GABPB1: variants seen among roughly 807,000 people sequenced by gnomAD.
The protein encoded by GABPB1 is GA-binding protein subunit beta-1.
Under a neutral mutation model 45.9 loss-of-function variants are expected in GABPB1, and 15 were observed. The observed-to-expected ratio is 0.33, with a 90% confidence interval of 0.22 to 0.50. The LOEUF is 0.50. Ranked by LOEUF, GABPB1 falls within the 20% of genes least tolerant of loss-of-function variation. GABPB1 has a pLI of 0.98. For synonymous variants in GABPB1, 143 were observed against 154.4 expected (o/e 0.93, Z 0.55); for missense variants, 252 against 457.5 (o/e 0.55, Z 4.10).
intron 1 of GABPB1, among the ~76,000 whole-genome samples, chr15:50,326,286 GGAA>G (rs2047760213): frequency 6.6e-6 from 1 of 152,128 alleles, no homozygotes; most frequent in African/African-American, 2.4e-5. Context: ...AGCCAAGGTG[GGAA>G]GATCGTTCAA....
chr15:50,303,722 T>C (rs2046841500), intron 3 of GABPB1, among the ~76,000 whole-genome samples: 1 of 150,532 alleles, frequency 6.6e-6, no homozygotes, highest in Admixed American at 6.6e-5. Context: ...TAGTCCCTCA[T>C]CATAAGATAG....
At chr15:50,288,605 C>T (rs1458320185) in intron 7 of GABPB1, among the ~76,000 whole-genome samples, 1 of 152,116 alleles carries the variant, frequency 6.6e-6, no homozygotes, top group Non-Finnish European at 1.5e-5. Flanking sequence ...TATGAGAGTC[C>T]TCTTGCCCTG....
At chr15:50,287,477 C>T (rs1187494836) in intron 7 of GABPB1, among the ~76,000 whole-genome samples, 1 of 152,026 alleles carries the variant, frequency 6.6e-6, no homozygotes, top group Non-Finnish European at 1.5e-5. Context: ...TGAGATAGGC[C>T]CTAATCCAGT....
chr15:50,303,610 A>G (rs1488069928), intron 3 of GABPB1, among the ~76,000 whole-genome samples: 1 of 149,098 alleles, frequency 6.7e-6, no homozygotes, highest in Non-Finnish European at 1.5e-5. Flanking sequence ...TGAACCCAGG[A>G]GGTGGAGGTT....
intron 6 of GABPB1, among the ~76,000 whole-genome samples, chr15:50,292,188 C>A (rs1478410774): frequency 6.6e-6 from 1 of 151,396 alleles, no homozygotes; most frequent in Non-Finnish European, 1.5e-5. Flanking sequence ...GTGGTGGGCG[C>A]CTCTAGTCCC....
intron 1 of GABPB1, among the ~76,000 whole-genome samples, chr15:50,315,092 A>AT (rs1035181038): frequency 2.0e-5 from 3 of 152,144 alleles, no homozygotes; most frequent in East Asian, 1.9e-4. Context: ...TCAAAACATG[A>AT]TTTTTTTGAA....
At chr15:50,298,891 G>A (rs972962540) in intron 6 of GABPB1, among the ~76,000 whole-genome samples, 2 of 149,822 alleles carry the variant, frequency 1.3e-5, no homozygotes, top group African/African-American at 5.0e-5. Flanking sequence ...GATGGAGGCT[G>A]CAGTGAGCCA....
intron 1 of GABPB1, among the ~76,000 whole-genome samples, chr15:50,331,628 G>A (rs1179348757): frequency 6.6e-6 from 1 of 152,176 alleles, no homozygotes; most frequent in Non-Finnish European, 1.5e-5. Flanking sequence ...GGAGAGTGTT[G>A]TGATGTGATT....
At chr15:50,292,194 G>A (rs1186878191) in intron 6 of GABPB1, among the ~76,000 whole-genome samples, 1 of 150,680 alleles carries the variant, frequency 6.6e-6, no homozygotes, top group Admixed American at 6.6e-5. Flanking sequence ...GGCGCCTCTA[G>A]TCCCAGCTAC....
intron 1 of GABPB1, among the ~76,000 whole-genome samples, chr15:50,316,087 A>G (rs572734097): frequency 5.3e-5 from 8 of 152,256 alleles, no homozygotes; most frequent in Admixed American, 1.3e-4. Context: ...CCTCAGACAT[A>G]AAGTGCTAGA....
chr15:50,351,921 T>C (rs2048848462), intron 1 of GABPB1: 2 of 152,180 alleles, frequency 1.3e-5, no homozygotes, highest in East Asian at 1.9e-4. Flanking sequence ...TATAGAAACA[T>C]TGTGATTACT....
At chr15:50,296,118 C>T (rs959896671) in intron 6 of GABPB1, among the ~76,000 whole-genome samples, 4 of 152,192 alleles carry the variant, frequency 2.6e-5, no homozygotes, top group African/African-American at 9.7e-5. Context: ...ATTGCCTTCT[C>T]TTTATATATA....
In GABPB1 at chr15:50,289,674, A is replaced by G. The variant is rs74642872; in HGVS notation, c.698-6T>C. ...TACTTCTTCTGTGGCCACTACTGGA[A>G]AAAAAAAAAAGAAAACTCAGCAAAC... On this transcript the variant is annotated splice_region_variant and splice_polypyrimidine_tract_variant and intron_variant, in intron 6 of 8. Transcript: ENST00000380877. The G allele has an allele frequency of 1.4e-6, 2 of 1,401,652 alleles. No homozygotes were observed. Among genetic ancestry groups the G allele is most frequent in the Non-Finnish European group, 9.6e-7 (1 of 1,041,102 alleles). 86.8% of individuals were successfully genotyped at this position (1,401,652 alleles called of 1,614,324 possible).
chr15:50,278,586 A>C lies in GABPB1; in HGVS notation c.*46T>G, dbSNP rs1211575524. 1.3e-6 allele frequency: 2 copies of C among 1,551,232 alleles called. No individual in the cohort carries two copies. On this transcript the variant is annotated 3_prime_UTR_variant, in exon 9 of 9. Transcript: ENST00000380877. Reference sequence around the variant, plus strand: ...TTTGTTGTGTACAGTTCAAGATTGTATTCTTTCTTGACCAAAAGTAAAATC... The same window carrying C: ...TTTGTTGTGTACAGTTCAAGATTGTCTTCTTTCTTGACCAAAAGTAAAATC...
intron 6 of GABPB1, among the ~76,000 whole-genome samples, chr15:50,297,743 G>C (rs980704368): frequency 9.2e-5 from 14 of 152,164 alleles, no homozygotes; most frequent in African/African-American, 3.4e-4. Context: ...GCTGAGGCAG[G>C]AGAATCGCTT....
chr15:50,352,113 G>C (rs760835379), intron 1 of GABPB1: 3 of 151,988 alleles, frequency 2.0e-5, no homozygotes, highest in Non-Finnish European at 4.4e-5. Flanking sequence ...ACAGAGACTG[G>C]GTAACTGCCT....
chr15:50,335,666 A>G (rs1238133342), intron 1 of GABPB1, among the ~76,000 whole-genome samples: 1 of 152,114 alleles, frequency 6.6e-6, no homozygotes, highest in East Asian at 1.9e-4. Flanking sequence ...TGGGAGGCCA[A>G]GGCGGGTGGA....
chr15:50,326,404 T>TCCCAGCAC (rs1259532448), intron 1 of GABPB1, among the ~76,000 whole-genome samples: 1 of 151,678 alleles, frequency 6.6e-6, no homozygotes, highest in African/African-American at 2.4e-5. Flanking sequence ...ACGCCTGTAA[T>TCCCAGCAC]CCCAGCACTT....
intron 1 of GABPB1, among the ~76,000 whole-genome samples, chr15:50,338,193 C>T (rs1364815017): frequency 1.3e-5 from 2 of 152,086 alleles, no homozygotes; most frequent in Non-Finnish European, 2.9e-5. Flanking sequence ...GCACGTGCCA[C>T]CACACCCAGC....
Sources: gnomAD v4.1 joint callset for allele counts (sites outside exome capture counted in the v4.1 genomes callset) on GRCh38, gnomAD v4.1.1 for gene constraint, MANE v1.5 for transcripts, NCBI Gene and HGNC (gene_info 2026-07-23, HGNC 2026-07-21) for gene names.